WWP1: variants seen among roughly 807,000 people sequenced by gnomAD.
The protein encoded by WWP1 is NEDD4-like E3 ubiquitin-protein ligase WWP1.
WWP1 carries 49 observed loss-of-function variants against 130.6 expected under a neutral mutation model. The ratio of observed to expected loss-of-function variants is 0.38; its 90% CI spans 0.30 to 0.48. The LOEUF (loss-of-function observed/expected upper bound fraction) is 0.48, where lower values mean the gene tolerates loss of function less well. Among genes scored for constraint, WWP1 ranks in the 20% least tolerant of loss-of-function variants. The pLI is 0.99. For synonymous variants in WWP1, 332 were observed against 367.8 expected (o/e 0.90, Z 1.11); for missense variants, 809 against 1,100.6 (o/e 0.74, Z 3.75).
At chr8:86,460,639 C>T (rs989953943) in intron 22 of WWP1, among the ~76,000 whole-genome samples, 1 of 151,954 alleles carries the variant, frequency 6.6e-6, no homozygotes, top group East Asian at 1.9e-4. Flanking sequence ...CCAAGATTCT[C>T]GTGTATTTCC....
chr8:86,381,668 T>C (rs1466091135), intron 5 of WWP1, 39 bp downstream of exon 5: 1 of 1,526,244 alleles, frequency 6.6e-7, no homozygotes, highest in African/African-American at 1.4e-5. Flanking sequence ...CTTATAAGTT[T>C]ATTTTAGACA....
At chr8:86,355,390 T>C (rs1040090492) in intron 1 of WWP1, among the ~76,000 whole-genome samples, 2 of 152,180 alleles carry the variant, frequency 1.3e-5, no homozygotes, top group Non-Finnish European at 2.9e-5. Flanking sequence ...TGACTCTGCT[T>C]TGTGCTGCTT....
chr8:86,385,060 A>G (rs1825201524), intron 5 of WWP1, among the ~76,000 whole-genome samples: 1 of 152,126 alleles, frequency 6.6e-6, no homozygotes, highest in Admixed American at 6.6e-5. Context: ...CAAGAACAAA[A>G]TAAGTAACCC....
intron 7 of WWP1, among the ~76,000 whole-genome samples, 174 bp downstream of exon 7, chr8:86,398,812 A>G (rs1414689339): frequency 6.6e-6 from 1 of 152,180 alleles, no homozygotes; most frequent in Non-Finnish European, 1.5e-5. Context: ...TTACAGCTTT[A>G]TTGAGATATC....
chr8:86,362,016 A>G (rs1156564649), intron 1 of WWP1, among the ~76,000 whole-genome samples: 2 of 144,122 alleles, frequency 1.4e-5, no homozygotes, highest in Admixed American at 7.0e-5. Context: ...ACATATATAT[A>G]TACACATATA....
intron 8 of WWP1, 26 bp downstream of exon 8, chr8:86,402,229 T>C (rs369863129): frequency 1.2e-6 from 2 of 1,604,434 alleles, no homozygotes; most frequent in African/African-American, 2.7e-5. Flanking sequence ...TATGACACCT[T>C]GTTTAAAGGA....
intron 9 of WWP1, among the ~76,000 whole-genome samples, chr8:86,417,979 A>G (rs1490156471): frequency 6.6e-6 from 1 of 152,236 alleles, no homozygotes; most frequent in Non-Finnish European, 1.5e-5. Context: ...GTAATGTCCG[A>G]TAGTGACAAG....
intron 3 of WWP1, among the ~76,000 whole-genome samples, chr8:86,379,761 A>AT (rs1824876266): frequency 6.6e-6 from 1 of 152,198 alleles, no homozygotes; most frequent in African/African-American, 2.4e-5. Flanking sequence ...ACATTAAAGC[A>AT]TTTTTTTAAG....
chr8:86,430,645 C>A, intron 11 of WWP1, 52 bp from the exon 12 acceptor site: 1 of 1,436,216 alleles, frequency 7.0e-7, no homozygotes, highest in Non-Finnish European at 9.5e-7. Context: ...TTTCTACTTT[C>A]ATATTAAAAC....
rs189732055 is a variant in WWP1, at chr8:86,374,765, G to A, written c.70+645G>A. Among the ~76,000 whole-genome samples, 10 of 150,434 alleles carry A rather than the reference G, an allele frequency of 6.6e-5. No homozygotes were observed. In the East Asian group the frequency reaches 9.8e-4, roughly 15 times the overall value. Reference sequence around the variant, plus strand: ...CACTTTCTCTCCCTGGCTGGAGTACGGTGGCGCAAACATACCTCCTTGTAG... The same window carrying A: ...CACTTTCTCTCCCTGGCTGGAGTACAGTGGCGCAAACATACCTCCTTGTAG... On this transcript the variant is annotated intron_variant, in intron 3 of 24. Transcript: ENST00000517970.
intron 2 of WWP1, among the ~76,000 whole-genome samples, chr8:86,370,184 GC>G (rs1269613957): frequency 2.0e-5 from 3 of 152,094 alleles, no homozygotes; most frequent in Non-Finnish European, 2.9e-5. Context: ...GCTTTTTAAA[GC>G]TTGCACATAT....
intron 9 of WWP1, 138 bp from the exon 10 acceptor site, chr8:86,425,085 T>G: frequency 1.8e-6 from 1 of 547,838 alleles, no homozygotes; most frequent in Non-Finnish European, 3.1e-6. Context: ...TATAATAGCC[T>G]TTATATATAT....
intron 18 of WWP1, 46 bp downstream of exon 18, chr8:86,442,824 G>T: frequency 5.5e-6 from 8 of 1,457,468 alleles, no homozygotes; most frequent in South Asian, 1.4e-5. Flanking sequence ...TGTTACAAAT[G>T]TATTAGAGAA....
chr8:86,464,590 A>C (rs1811937439), intron 24 of WWP1, among the ~76,000 whole-genome samples: 1 of 151,976 alleles, frequency 6.6e-6, no homozygotes, highest in African/African-American at 2.4e-5. Flanking sequence ...GACACAACTC[A>C]CTGCAGCCTC....
rs141125792 is a variant in WWP1 at position 86,460,347 on chromosome 8, G to C, written c.2500-877G>C. 3.1e-3 allele frequency among the ~76,000 whole-genome samples: 465 copies of C among 152,274 alleles called. 2 individuals carry two copies. Among genetic ancestry groups the C allele is most frequent in the African/African-American group, 0.011 (443 of 41,544 alleles). On this transcript the variant is annotated intron_variant, in intron 22 of 24. Transcript: ENST00000517970. ...CTCAGGGAGGAATAACAGTGGTTTA[G>C]GGCTCATCTAGACTTGAGTTCAAAT... is the stretch of plus-strand genomic sequence containing the variant.
Position 86,385,037 on chromosome 8 carries a change from AG to A in WWP1, c.334+3409del, listed in dbSNP as rs375898053. On this transcript the variant is annotated intron_variant, in intron 5 of 24. Coordinates refer to ENST00000517970, the MANE Select transcript of WWP1 (RefSeq NM_007013.4). ...AGACACTGTCTCAAAAAAAAAAAAA[AG>A]TAAACAACTGCCAAGAACAAAATAA... Among the ~76,000 whole-genome samples the A allele has an allele frequency of 2.0e-3, 297 of 145,868 alleles. 3 individuals carry two copies. Among genetic ancestry groups the A allele is most frequent in the African/African-American group, 7.0e-3 (275 of 39,286 alleles).
rs138480374 is a variant in WWP1 at position 86,364,221 on chromosome 8, T to A, written c.-114-4718T>A. Among the ~76,000 whole-genome samples the A allele has an allele frequency of 3.4e-4, 52 of 152,340 alleles. No individual in the cohort carries two copies. The East Asian group carries it at 0.01, about 29-fold the overall frequency. ...TTCTGTAAATAAAGTGAATTTTATG[T>A]GTTGGTTGCTTTGAGGGAGAGAAAT... On this transcript the variant is annotated intron_variant, in intron 1 of 24. Coordinates refer to ENST00000517970, the MANE Select transcript of WWP1 (RefSeq NM_007013.4).
chr8:86,356,968 T>A (rs1823296386), intron 1 of WWP1, among the ~76,000 whole-genome samples: 1 of 152,222 alleles, frequency 6.6e-6, no homozygotes, highest in Middle Eastern at 3.2e-3. Flanking sequence ...AATGGATAGC[T>A]TTTTACTGTA....
chr8:86,421,668 C>T (rs1239601177), intron 9 of WWP1, among the ~76,000 whole-genome samples: 1 of 151,812 alleles, frequency 6.6e-6, no homozygotes, highest in Admixed American at 6.6e-5. Context: ...ACTAAAAATA[C>T]AAAAAATTAG....
Sources: gnomAD v4.1 joint callset for allele counts (sites outside exome capture counted in the v4.1 genomes callset) on GRCh38, gnomAD v4.1.1 for gene constraint, MANE v1.5 for transcripts, NCBI Gene and HGNC (gene_info 2026-07-23, HGNC 2026-07-21) for gene names.